Variants in DAAM1 observed in about 807,000 individuals in gnomAD.
DAAM1 encodes disheveled-associated activator of morphogenesis 1.
In DAAM1, 52 loss-of-function variants were observed where a neutral mutation model predicts 130.0. That is an observed-to-expected ratio of 0.40 (90% CI 0.32 to 0.50). The LOEUF (loss-of-function observed/expected upper bound fraction) is 0.50, where lower values mean the gene tolerates loss of function less well. Ranked by LOEUF, DAAM1 falls within the 20% of genes least tolerant of loss-of-function variation. DAAM1 has a pLI of 0.61. For missense variants in DAAM1, 1,134 were observed against 1,303.8 expected, an observed-to-expected ratio of 0.87 and a Z score of 2.01; for synonymous variants, 452 against 444.5, an observed-to-expected ratio of 1.02 and a Z score of -0.21.
chr14:59,347,690 G>A, intron 17 of DAAM1, 67 bp downstream of exon 17: 4 of 1,454,236 alleles, frequency 2.8e-6, no homozygotes, highest in Non-Finnish European at 2.9e-6. Context: ...GGGATGTTGA[G>A]AACATCCGGT....
At chr14:59,316,834 A>G (rs1371546850) in intron 4 of DAAM1, among the ~76,000 whole-genome samples, 2 of 152,184 alleles carry the variant, frequency 1.3e-5, no homozygotes, top group Non-Finnish European at 2.9e-5. Context: ...ATCTAATGAG[A>G]AGTTGCTTAT....
Position 59,360,812 on chromosome 14 carries a change from C to A in DAAM1, c.2644C>A (p.Leu882Met), listed in dbSNP as rs199530272. The change falls in exon 22 of 25, where the codon CTG becomes ATG. Residue 882 changes from leucine to methionine, a missense_variant. Leu to Met is a conservative substitution (Grantham distance 15, BLOSUM62 2). Coordinates refer to ENST00000360909, the MANE Select transcript of DAAM1 (RefSeq NM_001270520.2). ...TGCTATTTACAACAGCATGACTGAG[C>A]TGGACAAAGAAATAAGTACCTTGAG... ...PQAAKVNMTE[L>M]DKEISTLRSG... 1 of 1,613,598 alleles carries A rather than the reference C, an allele frequency of 6.2e-7. No individual in the cohort carries two copies. The highest frequency in any genetic ancestry group is 8.5e-7 in the Non-Finnish European group (1 of 1,179,864).
intron 1 of DAAM1, among the ~76,000 whole-genome samples, chr14:59,241,746 C>A (rs1174013744): frequency 6.6e-6 from 1 of 152,134 alleles, no homozygotes; most frequent in Non-Finnish European, 1.5e-5. Flanking sequence ...TGGATAGAAA[C>A]AATTGGGCTA....
chr14:59,363,123 A>C (rs375201002), intron 22 of DAAM1: 1 of 154,090 alleles, frequency 6.5e-6, no homozygotes, highest in African/African-American at 2.4e-5. Context: ...ACAAAAACCA[A>C]TATGGTATGG....
At chr14:59,225,083 A>C (rs1459774794) in intron 1 of DAAM1, among the ~76,000 whole-genome samples, 2 of 124,482 alleles carry the variant, frequency 1.6e-5, no homozygotes, top group East Asian at 2.5e-4. Context: ...GCTGGAGTGC[A>C]GTGGCATAAT....
In DAAM1 at chr14:59,367,562, A is replaced by T. The variant is rs765373985; in HGVS notation, c.2960A>T (p.Lys987Met). The T allele has an allele frequency of 6.2e-7, 1 of 1,613,830 alleles. No homozygotes were observed. The highest frequency in any genetic ancestry group is 1.7e-5 in the Admixed American group (1 of 59,996). Reference sequence around the variant, plus strand: ...GAAAACGAAAATATGAGAAAGAAAAAGGAGGAAGAAGAACGTCGAGCTCGC... The same window carrying T: ...GAAAACGAAAATATGAGAAAGAAAATGGAGGAAGAAGAACGTCGAGCTCGC... ...KQENENMRKK[K>M]EEEERRARME... is the part of the protein sequence containing the mutation. Residue 987 changes from lysine (K) to methionine (M), a missense_variant, in exon 24 of 25, where the codon AAG (lysine) becomes ATG (methionine). Around this residue, in one of 3 missense-constraint regions of DAAM1, gnomAD observed 644 missense variants for 695.9 expected, o/e 0.93. Coordinates refer to ENST00000360909, the MANE Select transcript of DAAM1 (RefSeq NM_001270520.2).
At chr14:59,228,305 A>G (rs534596256) in intron 1 of DAAM1, among the ~76,000 whole-genome samples, 2 of 152,276 alleles carry the variant, frequency 1.3e-5, no homozygotes, top group South Asian at 4.1e-4. Flanking sequence ...CCATGACATA[A>G]GTTAGATGTT....
intron 12 of DAAM1, among the ~76,000 whole-genome samples, chr14:59,327,502 A>G (rs2349148): frequency 0.85 from 126,629 of 149,656 alleles, 53,720 homozygotes; most frequent in East Asian, 1. Context: ...CCACCTCCTA[A>G]GTTCACGTCA....
At chr14:59,343,688 CA>C (rs1294889918) in intron 16 of DAAM1, among the ~76,000 whole-genome samples, 1 of 152,152 alleles carries the variant, frequency 6.6e-6, no homozygotes, top group Non-Finnish European at 1.5e-5. Context: ...ACCTTTTGGT[CA>C]GGGGCACCTG....
At chr14:59,327,902 C>T (rs757840506) in intron 12 of DAAM1, among the ~76,000 whole-genome samples, 8 of 152,146 alleles carry the variant, frequency 5.3e-5, no homozygotes, top group Admixed American at 1.3e-4. Flanking sequence ...ACATTTATGT[C>T]CATCAGTGTA....
chr14:59,364,644 C>T (rs10144346), intron 23 of DAAM1, among the ~76,000 whole-genome samples: 19,109 of 151,102 alleles, frequency 0.13, 1,533 homozygotes, highest in African/African-American at 0.24. Context: ...TCTTTTGTTT[C>T]GAAACTTCTG....
At chr14:59,283,666 A>G (rs1347008623) in intron 2 of DAAM1, among the ~76,000 whole-genome samples, 2 of 152,182 alleles carry the variant, frequency 1.3e-5, no homozygotes, top group Non-Finnish European at 2.9e-5. Flanking sequence ...CAGCCTTGCA[A>G]GAGAAATGAT....
intron 1 of DAAM1, among the ~76,000 whole-genome samples, chr14:59,242,498 A>G (rs1881172361): frequency 6.6e-6 from 1 of 152,204 alleles, no homozygotes; most frequent in Non-Finnish European, 1.5e-5. Context: ...ATGGCCAGAC[A>G]TTATTATTTG....
intron 15 of DAAM1, chr14:59,338,436 G>C: frequency 1.2e-6 from 2 of 1,612,750 alleles, no homozygotes; most frequent in Non-Finnish European, 8.5e-7. Context: ...ACTACCTAAA[G>C]CTTGCTTAAT....
chr14:59,237,682 C>T (rs1889345698), intron 1 of DAAM1, among the ~76,000 whole-genome samples: 1 of 152,112 alleles, frequency 6.6e-6, no homozygotes, highest in African/African-American at 2.4e-5. Flanking sequence ...TAAGACACTA[C>T]CACATGTCTG....
At chr14:59,283,592 A>T (rs915321988) in intron 2 of DAAM1, among the ~76,000 whole-genome samples, 4 of 152,190 alleles carry the variant, frequency 2.6e-5, no homozygotes, top group African/African-American at 9.6e-5. Flanking sequence ...AAATAACAAC[A>T]GTACAGTTGC....
At chr14:59,338,865 A>G (rs1885735984) in intron 15 of DAAM1, among the ~76,000 whole-genome samples, 1 of 152,202 alleles carries the variant, frequency 6.6e-6, no homozygotes, top group Non-Finnish European at 1.5e-5. Flanking sequence ...TATAGATTGC[A>G]TAGGCTGCAG....
intron 2 of DAAM1, among the ~76,000 whole-genome samples, chr14:59,288,860 A>AGAGAGAGAGAGAGAGAGAGAGC (rs1018804753): frequency 8.3e-5 from 12 of 144,116 alleles, no homozygotes; most frequent in African/African-American, 2.8e-4. Flanking sequence ...AGAGAGAGAG[A>AGAGAGAGAGAGAGAGAGAGAGC]GCGCGCGAAG....
intron 1 of DAAM1, among the ~76,000 whole-genome samples, chr14:59,213,330 A>G (rs777117016): frequency 6.9e-6 from 1 of 144,576 alleles, no homozygotes; most frequent in Non-Finnish European, 1.5e-5. Flanking sequence ...TCATTTGTAT[A>G]AATGATTTCA....
Sources: allele counts gnomAD v4.1 joint callset (sites outside exome capture counted in the v4.1 genomes callset), GRCh38; gene constraint gnomAD v4.1.1; regional missense constraint gnomAD v4.1.1; transcripts MANE v1.5; gene names NCBI Gene and HGNC (gene_info 2026-07-23, HGNC 2026-07-21).